The following PPHLN1 variants were observed in gnomAD, a reference collection of about 807,000 sequenced individuals.
The protein encoded by PPHLN1 is periphilin 1.
A neutral mutation model predicts 51.3 loss-of-function variants in PPHLN1; 29 were observed. The ratio of observed to expected loss-of-function variants is 0.57; its 90% CI spans 0.42 to 0.77. The LOEUF (loss-of-function observed/expected upper bound fraction) is 0.77. PPHLN1 is among the 30% of genes least tolerant of loss of function. The pLI is 0.00. For synonymous variants in PPHLN1, 147 were observed against 147.8 expected (o/e 0.99, Z 0.04); for missense variants, 436 against 438.4 (o/e 0.99, Z 0.05).
At chr12:42,426,454 A>T (rs1372394296) in intron 9 of PPHLN1, among the ~76,000 whole-genome samples, 2 of 152,146 alleles carry the variant, frequency 1.3e-5, no homozygotes, top group Non-Finnish European at 2.9e-5. Flanking sequence ...CTAGGCTATG[A>T]ATGTTTATTG....
At chr12:42,409,775 A>T (rs896969245) in intron 9 of PPHLN1, among the ~76,000 whole-genome samples, 1 of 151,840 alleles carries the variant, frequency 6.6e-6, no homozygotes, top group African/African-American at 2.4e-5. Context: ...TGTGTTGCTT[A>T]TTTCTATCTT....
intron 1 of PPHLN1, among the ~76,000 whole-genome samples, chr12:42,334,447 A>T (rs1199552510): frequency 6.6e-6 from 1 of 152,182 alleles, no homozygotes; most frequent in Non-Finnish European, 1.5e-5. Flanking sequence ...TGCTATAATA[A>T]TATCAAGAAA....
intron 9 of PPHLN1, chr12:42,433,086 T>C: frequency 2.5e-6 from 2 of 795,398 alleles, no homozygotes; most frequent in South Asian, 2.7e-5. Context: ...TTTATTTTTA[T>C]TGACAGGCCA....
chr12:42,374,843 T>C lies in PPHLN1; in HGVS notation c.300-20T>C, dbSNP rs761151356. On this transcript the variant is annotated intron_variant, in intron 4 of 9. Transcript: ENST00000358314. ...GATAGAGTATAATTAACTTATTTTA[T>C]GTTTTTTTTTTTTTCAAAGGGACAT... is the stretch of plus-strand genomic sequence containing the variant. 2.8e-5 allele frequency: 39 copies of C among 1,394,330 alleles called. No individual in the cohort carries two copies. In the Admixed American group the frequency reaches 8.0e-4, roughly 28 times the overall value. 86.4% of individuals were successfully genotyped at this position (1,394,330 alleles called of 1,614,324 possible).
intron 9 of PPHLN1, among the ~76,000 whole-genome samples, chr12:42,413,339 T>C (rs2080044811): frequency 6.6e-6 from 1 of 152,174 alleles, no homozygotes; most frequent in South Asian, 2.1e-4. Flanking sequence ...TATGTGGCTA[T>C]CCAGTTTTTC....
chr12:42,336,536 G>T (rs1349715884), intron 2 of PPHLN1, among the ~76,000 whole-genome samples: 1 of 152,204 alleles, frequency 6.6e-6, no homozygotes, highest in Non-Finnish European at 1.5e-5. Context: ...CTTCTGGTGT[G>T]CTGTCCTACT....
intron 2 of PPHLN1, among the ~76,000 whole-genome samples, chr12:42,336,965 C>T (rs1592192683): frequency 6.6e-6 from 1 of 152,154 alleles, no homozygotes; most frequent in Admixed American, 6.5e-5. Flanking sequence ...TCCTAGATTA[C>T]AATCCAGGTT....
At chr12:42,351,574 ACTGTAACATT>A (rs2073360363) in intron 2 of PPHLN1, 2 of 175,494 alleles carry the variant, frequency 1.1e-5, no homozygotes, top group African/African-American at 4.7e-5. Flanking sequence ...GGATAGAGCT[ACTGTAACATT>A]CTGTCTTAAG....
At chr12:42,356,610 C>G (rs2074073415) in intron 4 of PPHLN1, among the ~76,000 whole-genome samples, 4 of 152,118 alleles carry the variant, frequency 2.6e-5, no homozygotes, top group Admixed American at 1.3e-4. Flanking sequence ...GAACCCATGG[C>G]AGACTGTTTC....
At chr12:42,404,553 A>AACAACAACAACAAC in intron 9 of PPHLN1, among the ~76,000 whole-genome samples, 1 of 109,450 alleles carries the variant, frequency 9.1e-6, no homozygotes, top group Admixed American at 9.4e-5. Context: ...ACAACAACAA[A>AACAACAACAACAAC]AATATTTCAT....
At chr12:42,353,441 A>G (rs1231397721) in intron 3 of PPHLN1, among the ~76,000 whole-genome samples, 1 of 152,216 alleles carries the variant, frequency 6.6e-6, no homozygotes, top group African/African-American at 2.4e-5. Flanking sequence ...ATCGGTATGT[A>G]TGGGAGTCTG....
At chr12:42,427,484 A>T (rs922939453) in intron 9 of PPHLN1, among the ~76,000 whole-genome samples, 5 of 152,198 alleles carry the variant, frequency 3.3e-5, no homozygotes, top group Admixed American at 6.5e-5. Flanking sequence ...CAGCCAACTG[A>T]TCTTCGACAA....
downstream of PPHLN1, chr12:42,446,391 T>C: frequency 6.9e-7 from 1 of 1,455,850 alleles, no homozygotes; most frequent in East Asian, 2.3e-5. Context: ...CCTATTCCCT[T>C]CCCAGCGTCT....
chr12:42,393,834 A>G, intron 8 of PPHLN1, 145 bp downstream of exon 8: 1 of 792,010 alleles, frequency 1.3e-6, no homozygotes. Context: ...ACAGAATGAT[A>G]GTCAGAATAT....
chr12:42,439,733 C>T (rs1390838198), intron 9 of PPHLN1, among the ~76,000 whole-genome samples: 4 of 152,172 alleles, frequency 2.6e-5, no homozygotes, highest in African/African-American at 7.2e-5. Context: ...GTTTGTTGGC[C>T]AGGCTGGTCT....
At chr12:42,360,470 T>C (rs1343963710) in intron 4 of PPHLN1, among the ~76,000 whole-genome samples, 8 of 88,620 alleles carry the variant, frequency 9.0e-5, no homozygotes, top group African/African-American at 3.6e-4. Context: ...TTTTTTTTTT[T>C]TTTTTTTTTT....
chr12:42,364,477 A>T (rs1327600367), intron 4 of PPHLN1, among the ~76,000 whole-genome samples: 1 of 152,096 alleles, frequency 6.6e-6, no homozygotes, highest in Non-Finnish European at 1.5e-5. Flanking sequence ...AAAAAAAATT[A>T]AAAAATAAGT....
intron 9 of PPHLN1, among the ~76,000 whole-genome samples, chr12:42,426,149 A>C (rs1172142787): frequency 6.7e-6 from 1 of 149,568 alleles, no homozygotes; most frequent in Middle Eastern, 3.4e-3. Context: ...TGAATAACTT[A>C]AAGTACAGTA....
intron 9 of PPHLN1, among the ~76,000 whole-genome samples, chr12:42,411,397 T>C (rs11181486): frequency 9.8e-4 from 46 of 47,172 alleles, no homozygotes; most frequent in South Asian, 2.0e-3. Context: ...GAGACTGTCA[T>C]TACAGCAGTT....
Sources: gnomAD v4.1 joint callset for allele counts (sites outside exome capture counted in the v4.1 genomes callset) on GRCh38, gnomAD v4.1.1 for gene constraint, MANE v1.5 for transcripts, NCBI Gene and HGNC (gene_info 2026-07-23, HGNC 2026-07-21) for gene names.